Variants in IGFL2 observed in about 807,000 individuals in gnomAD.
IGFL2 encodes insulin growth factor-like family member 2.
A neutral mutation model predicts 13.9 loss-of-function variants in IGFL2; 7 were observed. The ratio of observed to expected loss-of-function variants is 0.51; its 90% CI spans 0.29 to 0.95. IGFL2 has a LOEUF of 0.95. Ranked by LOEUF, IGFL2 falls within the 40% of genes least tolerant of loss-of-function variation. The probability of loss-of-function intolerance (pLI) is 0.08; values close to 1 mark genes in which losing one functional copy is unlikely to be tolerated. For missense variants in IGFL2, 138 were observed against 147.8 expected (o/e 0.93, Z 0.34); for synonymous variants, 55 against 55.8 (o/e 0.99, Z 0.07).
the IGFL2 span, among the ~76,000 whole-genome samples, chr19:46,092,319 C>T: frequency 4.6e-5 from 7 of 152,178 alleles, no homozygotes; most frequent in East Asian, 9.7e-4. Flanking sequence ...AGCACCACTC[C>T]TGGCTAATTA....
chr19:46,211,104 A>C, the IGFL2 span, among the ~76,000 whole-genome samples: 1 of 152,192 alleles, frequency 6.6e-6, no homozygotes, highest in African/African-American at 2.4e-5. Flanking sequence ...ATGGCACCTG[A>C]ATCTTGAGTC....
chr19:46,153,835 A>ATATATG (rs1973651586), intron 1 of IGFL2, among the ~76,000 whole-genome samples: 2 of 144,796 alleles, frequency 1.4e-5, no homozygotes, highest in Non-Finnish European at 3.0e-5. Flanking sequence ...ATATATATAT[A>ATATATG]TATATTTTTT....
chr19:46,099,975 G>T, the IGFL2 span, among the ~76,000 whole-genome samples: 1 of 152,098 alleles, frequency 6.6e-6, no homozygotes, highest in Non-Finnish European at 1.5e-5. Context: ...GCTCCATCGG[G>T]TCATTTATGT....
At chr19:46,177,516 T>TA in the IGFL2 span, among the ~76,000 whole-genome samples, 3 of 151,696 alleles carry the variant, frequency 2.0e-5, no homozygotes, top group Non-Finnish European at 2.9e-5. Flanking sequence ...CACATAAGAA[T>TA]AAAAAAAGAT....
chr19:46,204,349 G>C, the IGFL2 span: 1 of 152,586 alleles, frequency 6.6e-6, no homozygotes, highest in East Asian at 1.9e-4. Context: ...TGAGACAGGG[G>C]TACCTGGGTC....
chr19:46,195,014 C>G, the IGFL2 span: 1 of 133,936 alleles, frequency 7.5e-6, no homozygotes, highest in East Asian at 2.1e-4. Flanking sequence ...TGCATCTGAC[C>G]AAGACTTTTT....
chr19:46,161,290 C>A, downstream of IGFL2: 2 of 459,620 alleles, frequency 4.4e-6, no homozygotes, highest in Non-Finnish European at 3.9e-6. Context: ...TTCCAATGTA[C>A]ACACCTGTAC....
the IGFL2 span, among the ~76,000 whole-genome samples, chr19:46,118,732 CT>C: frequency 1.3e-4 from 20 of 152,208 alleles, no homozygotes. Context: ...CCATGCACCC[CT>C]GGGAGAGTTA....
At chr19:46,135,284 A>G in the IGFL2 span, among the ~76,000 whole-genome samples, 87 of 152,224 alleles carry the variant, frequency 5.7e-4, 2 homozygotes, top group South Asian at 0.016. Context: ...CCAGGATCCA[A>G]TCCAGAATCC....
the IGFL2 span, among the ~76,000 whole-genome samples, chr19:46,098,899 G>A: frequency 6.6e-6 from 1 of 152,186 alleles, no homozygotes; most frequent in Non-Finnish European, 1.5e-5. Context: ...ACTAGTTGAT[G>A]CAGTTTCTTC....
At chr19:46,133,783 T>C in the IGFL2 span, among the ~76,000 whole-genome samples, 2 of 152,240 alleles carry the variant, frequency 1.3e-5, no homozygotes, top group African/African-American at 4.8e-5. Context: ...CTACTTATTT[T>C]ATTTTCTACA....
At chr19:46,091,459 T>C in the IGFL2 span, among the ~76,000 whole-genome samples, 1 of 152,252 alleles carries the variant, frequency 6.6e-6, no homozygotes, top group African/African-American at 2.4e-5. Context: ...TCAAAAACTT[T>C]AATCAGTATA....
chr19:46,145,858 T>G (rs1254990064), upstream of IGFL2, among the ~76,000 whole-genome samples: 1 of 152,176 alleles, frequency 6.6e-6, no homozygotes, highest in African/African-American at 2.4e-5. Context: ...CTTTGAGTTT[T>G]GAGAGTTTTT....
the IGFL2 span, among the ~76,000 whole-genome samples, chr19:46,136,442 A>G: frequency 1.3e-5 from 2 of 152,182 alleles, no homozygotes; most frequent in South Asian, 2.1e-4. Context: ...TGCACAGTGT[A>G]AAAAAATAAC....
At chr19:46,109,753 C>T in the IGFL2 span, among the ~76,000 whole-genome samples, 4 of 151,590 alleles carry the variant, frequency 2.6e-5, no homozygotes, top group Non-Finnish European at 5.9e-5. Context: ...GGGAATATCA[C>T]AAAGTAGTTA....
chr19:46,180,772 TAA>T, the IGFL2 span: 1 of 152,216 alleles, frequency 6.6e-6, no homozygotes, highest in East Asian at 1.9e-4. Context: ...ACCACTGGTG[TAA>T]GTCCAAGGGT....
chr19:46,078,528 C>A, the IGFL2 span, among the ~76,000 whole-genome samples: 1 of 152,200 alleles, frequency 6.6e-6, no homozygotes, highest in African/African-American at 2.4e-5. Context: ...GAGCTGGCTA[C>A]TAACCACCTG....
At chr19:46,103,318 GC>G in the IGFL2 span, among the ~76,000 whole-genome samples, 9 of 152,138 alleles carry the variant, frequency 5.9e-5, no homozygotes, top group African/African-American at 2.2e-4. Flanking sequence ...GAAATGCAAA[GC>G]CAACAATCGT....
chr19:46,095,698 A>G, the IGFL2 span, among the ~76,000 whole-genome samples: 1 of 152,030 alleles, frequency 6.6e-6, no homozygotes, highest in African/African-American at 2.4e-5. Flanking sequence ...ATCTTGAGTT[A>G]ATTTTTGTGT....
Sources: allele counts gnomAD v4.1 joint callset (sites outside exome capture counted in the v4.1 genomes callset), GRCh38; gene constraint gnomAD v4.1.1; transcripts MANE v1.5; gene names NCBI Gene and HGNC (gene_info 2026-07-23, HGNC 2026-07-21).